Variants in SIN3A observed in about 807,000 individuals in gnomAD.
The protein encoded by SIN3A is paired amphipathic helix protein Sin3a.
Under a neutral mutation model 146.1 loss-of-function variants are expected in SIN3A, and 14 were observed. The observed-to-expected ratio is 0.10, with a 90% CI of 0.06 to 0.15. SIN3A has a LOEUF of 0.15. Ranked by LOEUF, SIN3A falls within the 10% of genes least tolerant of loss-of-function variation. SIN3A has a pLI of 1.00. For synonymous variants in SIN3A, 572 were observed against 572.0 expected (o/e 1.00, Z 0.00); for missense variants, 1,028 against 1,576.0 (o/e 0.65, Z 5.89).
At chr15:75,432,343 A>C (rs1188399279) in intron 1 of SIN3A, among the ~76,000 whole-genome samples, 1 of 152,116 alleles carries the variant, frequency 6.6e-6, no homozygotes, top group African/African-American at 2.4e-5. Flanking sequence ...GTTGGTTTAA[A>C]ACTGATGCTT....
In SIN3A at chr15:75,412,787, C is replaced by A. The variant is rs1567370726; in HGVS notation, c.732G>T (p.Gln244His). ...CCTTGCTGACTTTGGCAGGTGGGGG[C>A]TGAGGAGCTGGCTGGGCAGGAGCTG... is the stretch of plus-strand genomic sequence containing the variant. ...SAPAPAQPAP[Q>H]PPPAKVSKPS... The change falls in exon 5 of 21, where the codon CAG (glutamine) becomes CAT (histidine). Residue 244 changes from glutamine to histidine, a missense_variant. Physicochemically the swap from Gln to His is conservative, Grantham distance 24. This residue lies in a region of SIN3A where 112 missense variants were observed against 135.7 expected (regional missense o/e 0.83). Transcript: ENST00000394947. The A allele has an allele frequency of 6.3e-7, 1 of 1,594,996 alleles. No homozygotes were observed. Among genetic ancestry groups the A allele is most frequent in the Admixed American group, 1.7e-5 (1 of 57,830 alleles).
chr15:75,424,599 C>A (rs994308788), intron 2 of SIN3A, among the ~76,000 whole-genome samples: 1 of 152,024 alleles, frequency 6.6e-6, no homozygotes, highest in Non-Finnish European at 1.5e-5. Flanking sequence ...CCCAGCTTCC[C>A]GAGTAGCTGG....
chr15:75,372,244 A>G (rs1181099943), intron 20 of SIN3A, 35 bp from the exon 21 acceptor site: 2 of 1,443,650 alleles, frequency 1.4e-6, no homozygotes, highest in African/African-American at 2.9e-5. Flanking sequence ...TATTAAATGA[A>G]GCAGAACCAA....
At chr15:75,442,617 TAAAAAAAAAAAAAA>T (rs374599694) in intron 1 of SIN3A, among the ~76,000 whole-genome samples, 2 of 123,118 alleles carry the variant, frequency 1.6e-5, no homozygotes, top group Admixed American at 1.7e-4. Flanking sequence ...ATCCCATCTT[TAAAAAAAAAAAAAA>T]AAAAAAAAAA....
intron 9 of SIN3A, among the ~76,000 whole-genome samples, chr15:75,406,515 G>A (rs978873764): frequency 1.3e-5 from 2 of 152,024 alleles, no homozygotes; most frequent in Non-Finnish European, 2.9e-5. Context: ...GTGAAACCCC[G>A]TCTCTACTAA....
intron 16 of SIN3A, among the ~76,000 whole-genome samples, chr15:75,386,730 T>A (rs1171175060): frequency 6.6e-6 from 1 of 152,176 alleles, no homozygotes; most frequent in Non-Finnish European, 1.5e-5. Context: ...AATCCTTCCA[T>A]GGTGTGGTCC....
intron 20 of SIN3A, among the ~76,000 whole-genome samples, chr15:75,373,771 A>G (rs1200370383): frequency 1.3e-5 from 2 of 151,856 alleles, no homozygotes; most frequent in East Asian, 3.9e-4. Flanking sequence ...AAAAAAAAGA[A>G]AGAAAAAAAG....
intron 18 of SIN3A, 35 bp downstream of exon 18, chr15:75,381,578 T>C (rs1203945521): frequency 1.3e-6 from 2 of 1,513,896 alleles, no homozygotes; most frequent in African/African-American, 2.8e-5. Flanking sequence ...CCAGCTCTGC[T>C]TGGCACCTGG....
At chr15:75,391,650 A>C (rs941184652) in intron 15 of SIN3A, among the ~76,000 whole-genome samples, 1 of 152,228 alleles carries the variant, frequency 6.6e-6, no homozygotes, top group African/African-American at 2.4e-5. Context: ...GCACAAAATT[A>C]CATAAAGCAC....
rs2072692625 is a variant in SIN3A at position 75,369,727 on chromosome 15, T to G, written c.*2252A>C. ...GGGCAGCAACAGCTGGGGCTGACCC[T>G]GATCACACCCCACCAATTTCCCCTA... On this transcript the variant is annotated 3_prime_UTR_variant, in exon 21 of 21. Transcript: ENST00000394947. The G allele has an allele frequency of 6.6e-6, 1 of 152,254 alleles. No homozygotes were observed. The allele number at this position is 152,254 out of a possible 1,614,324, so 9.4% of individuals were successfully genotyped here. A position where few individuals can be genotyped will look rare whatever the true frequency, so the allele number is the denominator to read the frequency against.
At chr15:75,400,681 TG>T in intron 11 of SIN3A, 48 bp downstream of exon 11, 1 of 1,410,382 alleles carries the variant, frequency 7.1e-7, no homozygotes, top group Non-Finnish European at 9.9e-7. Context: ...CACTCCCTTC[TG>T]GAAAAAGCTG....
At chr15:75,432,119 A>G (rs530128184) in intron 1 of SIN3A, among the ~76,000 whole-genome samples, 8 of 152,340 alleles carry the variant, frequency 5.3e-5, no homozygotes, top group Non-Finnish European at 1.0e-4. Flanking sequence ...AGCATGAAAT[A>G]GCATGTTTAG....
In SIN3A at chr15:75,451,487, G is replaced by C. The variant is rs1269566128; in HGVS notation, c.-98C>G. ...TCAGCGTGAGCCGCGAGCTCAGCAG[G>C]GAGGCCCCGAGAACGGCGCGGGGCA... On this transcript the variant is annotated 5_prime_UTR_variant, in exon 1 of 21. Coordinates refer to ENST00000394947, the MANE Select transcript of SIN3A (RefSeq NM_001145358.2). 1 of 150,450 alleles carries C rather than the reference G, an allele frequency of 6.6e-6. No homozygotes were observed. The highest frequency in any genetic ancestry group is 1.5e-5 in the Non-Finnish European group (1 of 67,578). The allele number at this position is 150,450 out of a possible 1,614,324, so 9.3% of individuals were successfully genotyped here.
intron 9 of SIN3A, among the ~76,000 whole-genome samples, chr15:75,404,769 A>T (rs546505705): frequency 2.8e-4 from 8 of 28,394 alleles, no homozygotes; most frequent in African/African-American, 5.0e-4. Flanking sequence ...GAAAAAAAAT[A>T]AAAAAAAAAC....
Position 75,375,887 on chromosome 15 carries a change from C to T in SIN3A, c.3384-15G>A. ...GCCGTAGATTCCTATTGCAGAAAAG[C>T]CCCGGAGGATGAGAGCTCGTCCAGA... On this transcript the variant is annotated splice_polypyrimidine_tract_variant and intron_variant, in intron 19 of 20. Coordinates refer to ENST00000394947, the MANE Select transcript of SIN3A (RefSeq NM_001145358.2). 13 of 1,613,316 alleles carry T rather than the reference C, an allele frequency of 8.1e-6. No homozygotes were observed. The highest frequency in any genetic ancestry group is 1.1e-5 in the Non-Finnish European group (13 of 1,179,902).
intron 2 of SIN3A, among the ~76,000 whole-genome samples, chr15:75,427,936 A>G (rs1452360824): frequency 6.6e-6 from 1 of 152,088 alleles, no homozygotes; most frequent in Non-Finnish European, 1.5e-5. Flanking sequence ...GCACCACTGC[A>G]CTCCAGCCTG....
At chr15:75,381,798 T>TTAC in intron 17 of SIN3A, 93 bp from the exon 18 acceptor site, 1 of 1,075,846 alleles carries the variant, frequency 9.3e-7, no homozygotes. Flanking sequence ...GCAATAAACT[T>TTAC]AGTAAACTTT....
At chr15:75,379,787 G>C (rs2072930810) in intron 19 of SIN3A, among the ~76,000 whole-genome samples, 1 of 152,330 alleles carries the variant, frequency 6.6e-6, no homozygotes, top group South Asian at 2.1e-4. Flanking sequence ...TTCTTAAACT[G>C]TTTTCATATA....
intron 15 of SIN3A, among the ~76,000 whole-genome samples, chr15:75,390,614 G>A (rs991745378): frequency 2.6e-5 from 4 of 152,178 alleles, no homozygotes; most frequent in Admixed American, 2.6e-4. Context: ...CAACAAAGTG[G>A]AAAAAGGACT....
Sources: allele counts gnomAD v4.1 joint callset (sites outside exome capture counted in the v4.1 genomes callset), GRCh38; gene constraint gnomAD v4.1.1; regional missense constraint gnomAD v4.1.1; transcripts MANE v1.5; gene names NCBI Gene and HGNC (gene_info 2026-07-23, HGNC 2026-07-21).